ATP9B: variants seen among roughly 807,000 people sequenced by gnomAD.
The protein encoded by ATP9B is probable phospholipid-transporting ATPase IIB.
A neutral mutation model predicts 146.1 loss-of-function variants in ATP9B; 110 were observed. The ratio of observed to expected loss-of-function variants is 0.75; its 90% CI spans 0.65 to 0.88. ATP9B has a LOEUF of 0.88. ATP9B is among the 40% of genes least tolerant of loss of function. The probability of loss-of-function intolerance (pLI) is 0.00; values close to 1 mark genes in which losing one functional copy is unlikely to be tolerated. For synonymous variants in ATP9B, 604 were observed against 569.7 expected (o/e 1.06, Z -0.86); for missense variants, 1,499 against 1,496.4 (o/e 1.00, Z -0.03).
At chr18:79,270,950 C>G (rs2096247666) in intron 12 of ATP9B, among the ~76,000 whole-genome samples, 1 of 152,134 alleles carries the variant, frequency 6.6e-6, no homozygotes, top group Non-Finnish European at 1.5e-5. Context: ...GCACCTGGTC[C>G]TGGGGGCCAC....
intron 6 of ATP9B, among the ~76,000 whole-genome samples, chr18:79,151,268 T>G (rs191626571): frequency 6.6e-6 from 1 of 152,302 alleles, no homozygotes; most frequent in Non-Finnish European, 1.5e-5. Context: ...ACTCAGAAAT[T>G]TATGGTTAAT....
chr18:79,098,317 C>T (rs529846629), intron 2 of ATP9B, among the ~76,000 whole-genome samples: 99 of 148,820 alleles, frequency 6.7e-4, no homozygotes, highest in Non-Finnish European at 9.8e-4. Flanking sequence ...AGGACATAGG[C>T]GTGGGCAAGG....
Position 79,176,863 on chromosome 18 carries a change from C to G in ATP9B, c.829C>G (p.Leu277Val), listed in dbSNP as rs1568338113. The G allele has an allele frequency of 6.2e-7, 1 of 1,614,062 alleles. No individual in the cohort carries two copies. Among genetic ancestry groups the G allele is most frequent in the Non-Finnish European group, 8.5e-7 (1 of 1,180,030 alleles). Residue 277 changes from leucine to valine, a missense_variant, in exon 8 of 30, where the codon CTG (leucine) becomes GTG (valine). Physicochemically the swap from Leu to Val is conservative, Grantham distance 32 (BLOSUM62 1). Transcript: ENST00000426216. ...DQLDGETDWK[L>V]KVAVSCTQQL... ...ACTAGATGGTGAAACTGACTGGAAG[C>G]TGAAGGTGGCAGTGAGCTGCACGCA...
chr18:79,327,724 C>T (rs1346227573), intron 15 of ATP9B, among the ~76,000 whole-genome samples: 208 of 135,794 alleles, frequency 1.5e-3, no homozygotes, highest in African/African-American at 5.9e-3. Context: ...GGTTAGCGTG[C>T]TCGCCGTGGT....
intron 8 of ATP9B, among the ~76,000 whole-genome samples, chr18:79,180,952 G>A (rs547021605): frequency 6.6e-5 from 10 of 150,912 alleles, no homozygotes; most frequent in Non-Finnish European, 1.3e-4. Context: ...CCACCACCAC[G>A]CCCGGCTAAT....
intron 11 of ATP9B, among the ~76,000 whole-genome samples, chr18:79,233,309 A>G (rs997504628): frequency 1.1e-4 from 16 of 152,164 alleles, no homozygotes; most frequent in African/African-American, 3.9e-4. Flanking sequence ...AGATACAACT[A>G]TGTATAATGG....
intron 5 of ATP9B, among the ~76,000 whole-genome samples, chr18:79,133,483 C>T (rs2094407546): frequency 6.6e-6 from 1 of 150,506 alleles, no homozygotes. Flanking sequence ...TCAGATGTGG[C>T]CATATAGACT....
At chr18:79,345,993 G>A (rs1024947697) in intron 23 of ATP9B, among the ~76,000 whole-genome samples, 154 bp downstream of exon 23, 2 of 151,902 alleles carry the variant, frequency 1.3e-5, no homozygotes, top group Non-Finnish European at 2.9e-5. Context: ...CTCAGCACAT[G>A]CTTGGTCAAC....
At chr18:79,148,772 A>G (rs761074758) in intron 6 of ATP9B, among the ~76,000 whole-genome samples, 3 of 152,272 alleles carry the variant, frequency 2.0e-5, no homozygotes, top group Non-Finnish European at 4.4e-5. Flanking sequence ...TGCAGATGAC[A>G]TAACTACGTA....
At chr18:79,332,198 G>C (rs1042398620) in intron 17 of ATP9B, among the ~76,000 whole-genome samples, 4 of 152,210 alleles carry the variant, frequency 2.6e-5, no homozygotes, top group Admixed American at 2.6e-4. Context: ...GGGAGGCCAA[G>C]GCGGGCAGAT....
intron 10 of ATP9B, among the ~76,000 whole-genome samples, chr18:79,213,683 CATT>C (rs1221817507): frequency 7.9e-5 from 12 of 152,172 alleles, no homozygotes; most frequent in Admixed American, 5.9e-4. Flanking sequence ...AGGCCATTGT[CATT>C]ATCTCTATTG....
intron 11 of ATP9B, among the ~76,000 whole-genome samples, chr18:79,221,084 T>G (rs372221180): frequency 5.3e-5 from 8 of 152,340 alleles, no homozygotes; most frequent in African/African-American, 1.9e-4. Context: ...TCCAATGTGT[T>G]GCTGTTCCCT....
Position 79,344,349 on chromosome 18 carries a change from C to G in ATP9B, c.2467C>G (p.Leu823Val), listed in dbSNP as rs1239694073. 6.2e-7 allele frequency: 1 copy of G among 1,613,990 alleles called. No individual in the cohort carries two copies. The highest frequency in any genetic ancestry group is 1.3e-5 in the African/African-American group (1 of 74,910). The change falls in exon 21 of 30, where the codon CTG becomes GTG. Residue 823 changes from leucine (L) to valine (V), a missense_variant. Coordinates refer to ENST00000426216, the MANE Select transcript of ATP9B (RefSeq NM_198531.5). The part of the protein sequence containing the change: ...DCALVISGDS[L>V]EVCLKYYEHE... ...TGCACTAGTCATATCTGGGGACTCT[C>G]TGGAGGTAAGGCTGGACCCTGAGTG...
intron 8 of ATP9B, among the ~76,000 whole-genome samples, chr18:79,180,799 AT>A (rs144198169): frequency 0.56 from 82,687 of 146,712 alleles, 24,551 homozygotes; most frequent in African/African-American, 0.79. Context: ...TTCTTTTCTC[AT>A]TTTTTTTTTT....
intron 15 of ATP9B, among the ~76,000 whole-genome samples, chr18:79,314,064 C>T (rs542838382): frequency 6.6e-6 from 1 of 152,256 alleles, no homozygotes; most frequent in African/African-American, 2.4e-5. Context: ...CATTTTTTAT[C>T]GAATAAAGTG....
chr18:79,331,978 T>G (rs1165201476), intron 17 of ATP9B, among the ~76,000 whole-genome samples: 1 of 152,218 alleles, frequency 6.6e-6, no homozygotes, highest in South Asian at 2.1e-4. Flanking sequence ...AAAATCAGCC[T>G]ATCACTTCTG....
chr18:79,297,109 C>T (rs1238580249), intron 13 of ATP9B, among the ~76,000 whole-genome samples: 1 of 139,344 alleles, frequency 7.2e-6, no homozygotes, highest in Non-Finnish European at 1.5e-5. Context: ...AGAGAGAAGA[C>T]ACAGACGACC....
intron 17 of ATP9B, 75 bp from the exon 18 acceptor site, chr18:79,336,552 TG>T: frequency 7.4e-7 from 1 of 1,354,266 alleles, no homozygotes; most frequent in Non-Finnish European, 1.0e-6. Flanking sequence ...AATCAGAGTG[TG>T]GCACTGCCCT....
intron 2 of ATP9B, among the ~76,000 whole-genome samples, chr18:79,106,433 T>C (rs776091854): frequency 1.3e-5 from 2 of 152,308 alleles, no homozygotes; most frequent in South Asian, 2.1e-4. Context: ...TTGGGGCTCA[T>C]GCCTTTTACT....
Sources: allele counts gnomAD v4.1 joint callset (sites outside exome capture counted in the v4.1 genomes callset), GRCh38; gene constraint gnomAD v4.1.1; transcripts MANE v1.5; gene names NCBI Gene and HGNC (gene_info 2026-07-23, HGNC 2026-07-21).